The following RABGAP1L variants were observed in gnomAD, a reference collection of about 807,000 sequenced individuals.
RABGAP1L encodes the protein RAB GTPase activating protein 1 like.
RABGAP1L carries 63 observed loss-of-function variants against 137.7 expected under a neutral mutation model. That is an observed-to-expected ratio of 0.46 (90% CI 0.37 to 0.56). The LOEUF (loss-of-function observed/expected upper bound fraction) is 0.56, where lower values mean the gene tolerates loss of function less well. Among genes scored for constraint, RABGAP1L ranks in the 20% least tolerant of loss-of-function variants. RABGAP1L has a pLI of 0.00. For missense variants in RABGAP1L, 1,095 were observed against 1,244.0 expected (o/e 0.88, Z 1.80); for synonymous variants, 431 against 433.7 (o/e 0.99, Z 0.08).
At chr1:174,522,069 ACT>A (rs922811180) in intron 13 of RABGAP1L, among the ~76,000 whole-genome samples, 3 of 105,288 alleles carry the variant, frequency 2.8e-5, no homozygotes, top group African/African-American at 1.9e-4. Context: ...ACAGAGCGAG[ACT>A]CTGTCTCAAA....
At chr1:174,162,035 ATT>A (rs5778796) in intron 1 of RABGAP1L, among the ~76,000 whole-genome samples, 45 of 141,490 alleles carry the variant, frequency 3.2e-4, no homozygotes, top group African/African-American at 6.6e-4. Flanking sequence ...TGCTTGTCCC[ATT>A]TTTTTTTTTT....
Position 174,198,139 on chromosome 1 carries a change from G to T in RABGAP1L, c.-33-20986G>T, listed in dbSNP as rs1241639131. ...TGTTCTAATTATAGTCTAATATATAGTGATTATTATAGTCTAATAATCACT... is the reference window on the plus strand; with the variant it reads ...TGTTCTAATTATAGTCTAATATATATTGATTATTATAGTCTAATAATCACT... On this transcript the variant is annotated intron_variant, in intron 1 of 25. Transcript: ENST00000681986. Among the ~76,000 whole-genome samples, 10 of 152,184 alleles carry T rather than the reference G, an allele frequency of 6.6e-5. No homozygotes were observed. In the East Asian group the frequency reaches 1.9e-3, roughly 29 times the overall value.
chr1:174,850,799 GA>G (rs1417178745), intron 19 of RABGAP1L, among the ~76,000 whole-genome samples: 1 of 152,216 alleles, frequency 6.6e-6, no homozygotes, highest in Non-Finnish European at 1.5e-5. Context: ...TATGAGCCTT[GA>G]AAGCAGAGAG....
intron 1 of RABGAP1L, among the ~76,000 whole-genome samples, chr1:174,204,093 G>T (rs61828577): frequency 2.0e-5 from 3 of 151,980 alleles, no homozygotes; most frequent in African/African-American, 7.3e-5. Flanking sequence ...TGGGATTTCA[G>T]GCATGTGCCA....
chr1:174,653,379 G>T (rs1316133565), intron 14 of RABGAP1L, among the ~76,000 whole-genome samples: 4 of 152,086 alleles, frequency 2.6e-5, no homozygotes, highest in Non-Finnish European at 4.4e-5. Context: ...TGCTCAAATG[G>T]CCACCCAGTT....
At chr1:174,704,078 A>G (rs1249138425) in intron 17 of RABGAP1L, among the ~76,000 whole-genome samples, 1 of 151,972 alleles carries the variant, frequency 6.6e-6, no homozygotes, top group African/African-American at 2.4e-5. Flanking sequence ...GCTCACTGCA[A>G]CCTCCACCTG....
intron 11 of RABGAP1L, among the ~76,000 whole-genome samples, chr1:174,355,519 C>G (rs187044911): frequency 1.3e-5 from 2 of 150,314 alleles, no homozygotes; most frequent in East Asian, 3.9e-4. Context: ...TGCTAAATGA[C>G]GAATTAATGG....
intron 1 of RABGAP1L, among the ~76,000 whole-genome samples, chr1:174,199,040 G>A (rs576633445): frequency 2.5e-4 from 38 of 152,260 alleles, no homozygotes; most frequent in Non-Finnish European, 4.4e-4. Flanking sequence ...CCTGGGAGGC[G>A]GAGGTTGCAG....
intron 12 of RABGAP1L, among the ~76,000 whole-genome samples, 190 bp from the exon 13 acceptor site, chr1:174,393,802 TAAG>T (rs1459616519): frequency 6.6e-6 from 1 of 152,280 alleles, no homozygotes; most frequent in Non-Finnish European, 1.5e-5. Context: ...GGTTCACCAA[TAAG>T]AAGATGAGAT....
chr1:174,793,821 C>T (rs1489831159), intron 18 of RABGAP1L, among the ~76,000 whole-genome samples: 1 of 151,986 alleles, frequency 6.6e-6, no homozygotes, highest in Non-Finnish European at 1.5e-5. Flanking sequence ...TCAGCCTCTC[C>T]AGTAGCTGGG....
At chr1:174,619,639 G>A (rs1672251723) in intron 13 of RABGAP1L, among the ~76,000 whole-genome samples, 1 of 152,276 alleles carries the variant, frequency 6.6e-6, no homozygotes. Flanking sequence ...CCTGAAGGAA[G>A]CGCTAAACAT....
chr1:174,777,893 G>A (rs989349574), intron 18 of RABGAP1L, among the ~76,000 whole-genome samples: 1 of 152,178 alleles, frequency 6.6e-6, no homozygotes, highest in African/African-American at 2.4e-5. Flanking sequence ...GAGCATCAGT[G>A]AGCTGTGAAA....
At chr1:174,237,746 G>T (rs1187595688) in intron 4 of RABGAP1L, among the ~76,000 whole-genome samples, 77 of 127,198 alleles carry the variant, frequency 6.1e-4, no homozygotes, top group Admixed American at 1.5e-3. Flanking sequence ...ACAATTATGT[G>T]TCTTGGAGTT....
chr1:174,283,237 TA>T (rs886710748), intron 10 of RABGAP1L, among the ~76,000 whole-genome samples: 1 of 151,176 alleles, frequency 6.6e-6, no homozygotes, highest in African/African-American at 2.4e-5. Context: ...ACTCAGTTTG[TA>T]AAAAAAAGTA....
At chr1:174,490,377 C>A (rs577240537) in intron 13 of RABGAP1L, among the ~76,000 whole-genome samples, 1 of 152,224 alleles carries the variant, frequency 6.6e-6, no homozygotes, top group East Asian at 1.9e-4. Flanking sequence ...TGGAAGAGTT[C>A]TGTGGATTAC....
chr1:174,841,218 C>CA (rs1180713069), intron 19 of RABGAP1L, among the ~76,000 whole-genome samples: 1 of 151,936 alleles, frequency 6.6e-6, no homozygotes, highest in East Asian at 1.9e-4. Flanking sequence ...AAAACATTCA[C>CA]AAAAATAGAC....
chr1:174,350,836 C>A (rs1683097068), intron 11 of RABGAP1L, among the ~76,000 whole-genome samples: 1 of 85,476 alleles, frequency 1.2e-5, no homozygotes, highest in Non-Finnish European at 2.4e-5. Context: ...CGTCTGCAAT[C>A]CCGGCACCTC....
rs367998910 is a variant in RABGAP1L, at chr1:174,665,516, C to T, written c.1825-18006C>T. On this transcript the variant is annotated intron_variant, in intron 14 of 25. Transcript: ENST00000681986. ...TGTTGCCCATGCTGGAGTGCAGTGG[C>T]ATGATCTCAGCTCACCGTAACCTCT... Among the ~76,000 whole-genome samples, 3 of 143,104 alleles carry T rather than the reference C, an allele frequency of 2.1e-5. No homozygotes were observed. The South Asian group carries it at 7.4e-4, about 35-fold the overall frequency. 93.9% of individuals were successfully genotyped at this position (143,104 alleles called of 152,430 possible).
At chr1:174,676,575 A>G (rs1677646190) in intron 14 of RABGAP1L, among the ~76,000 whole-genome samples, 1 of 152,220 alleles carries the variant, frequency 6.6e-6, no homozygotes, top group African/African-American at 2.4e-5. Context: ...TCCTGATTTT[A>G]AAATATAAAA....
Sources: gnomAD v4.1 joint callset for allele counts (sites outside exome capture counted in the v4.1 genomes callset) on GRCh38, gnomAD v4.1.1 for gene constraint, MANE v1.5 for transcripts, NCBI Gene and HGNC (gene_info 2026-07-23, HGNC 2026-07-21) for gene names.